The following PCLO variants were observed in gnomAD, a reference collection of about 807,000 sequenced individuals.
The protein encoded by PCLO is piccolo presynaptic cytomatrix protein, also known as protein piccolo.
In PCLO, 82 loss-of-function variants were observed where a neutral mutation model predicts 427.5. The observed-to-expected ratio is 0.19, with a 90% confidence interval of 0.16 to 0.23. The LOEUF is 0.23. Among genes scored for constraint, PCLO ranks in the 10% least tolerant of loss-of-function variants. PCLO has a pLI of 1.00. For synonymous variants in PCLO, 2,357 were observed against 2,155.4 expected, an observed-to-expected ratio of 1.09 and a Z score of -2.59; for missense variants, 6,239 against 6,115.9, an observed-to-expected ratio of 1.02 and a Z score of -0.67.
At chr7:82,894,210 A>T (rs1431101990) in intron 9 of PCLO, among the ~76,000 whole-genome samples, 2 of 152,078 alleles carry the variant, frequency 1.3e-5, no homozygotes, top group African/African-American at 4.8e-5. Flanking sequence ...ATAAAACTTT[A>T]AAAAATAACC....
intron 3 of PCLO, among the ~76,000 whole-genome samples, chr7:83,069,384 T>C (rs1789748929): frequency 6.6e-6 from 1 of 152,146 alleles, no homozygotes; most frequent in South Asian, 2.1e-4. Flanking sequence ...TGTTCTAGAG[T>C]CAACTGTAAT....
chr7:82,904,814 G>A (rs960453759), intron 8 of PCLO, among the ~76,000 whole-genome samples: 4 of 151,870 alleles, frequency 2.6e-5, no homozygotes, highest in Non-Finnish European at 2.9e-5. Flanking sequence ...TAATTTTCTT[G>A]AATATTGCTT....
At position 83,054,812 on chromosome 7, in the gene PCLO, T is replaced by C. The variant is rs545364482; in HGVS notation, c.3300+79438A>G. ...AGGAATTTCCTCCTTGGGAATTTAATTTTGTTGAATGAGTTGAGCAACTTC... is the reference window on the plus strand; with the variant it reads ...AGGAATTTCCTCCTTGGGAATTTAACTTTGTTGAATGAGTTGAGCAACTTC... On this transcript the variant is annotated intron_variant, in intron 3 of 24. Transcript: ENST00000333891. 8.5e-5 allele frequency among the ~76,000 whole-genome samples: 13 copies of C among 152,158 alleles called. No individual in the cohort carries two copies. The East Asian group carries it at 2.5e-3, about 29-fold the overall frequency.
At chr7:83,103,003 C>A (rs909771470) in intron 3 of PCLO, among the ~76,000 whole-genome samples, 1 of 57,448 alleles carries the variant, frequency 1.7e-5, no homozygotes, top group Non-Finnish European at 3.5e-5. Context: ...TATTTCCCTT[C>A]CTGAGATATT....
intron 2 of PCLO, among the ~76,000 whole-genome samples, chr7:83,141,429 C>A (rs1240280529): frequency 1.3e-5 from 2 of 152,170 alleles, no homozygotes; most frequent in African/African-American, 4.8e-5. Context: ...GAAGATACAA[C>A]TGTTTAGTGA....
At chr7:82,985,653 A>G (rs1796239844) in intron 3 of PCLO, among the ~76,000 whole-genome samples, 2 of 151,978 alleles carry the variant, frequency 1.3e-5, no homozygotes, top group Admixed American at 1.3e-4. Flanking sequence ...GTGGCATTAA[A>G]TTGGCATGAA....
chr7:82,777,523 C>G (rs1276144623), intron 22 of PCLO, among the ~76,000 whole-genome samples: 3 of 152,138 alleles, frequency 2.0e-5, no homozygotes, highest in Non-Finnish European at 4.4e-5. Context: ...GCTATAGTAA[C>G]CAAAACAGCA....
chr7:82,955,948 T>C lies in PCLO; in HGVS notation c.5005A>G (p.Thr1669Ala), dbSNP rs761940628. 8 of 1,613,824 alleles carry C rather than the reference T, an allele frequency of 5.0e-6. No homozygotes were observed. In the South Asian group the frequency reaches 8.8e-5, roughly 18 times the overall value. ...GCTATTGTACTGTTGAGCTCAATTG[T>C]TTTAAATCGGCGTAGCCCTCCTCCT... is the stretch of plus-strand genomic sequence containing the variant. ...TGGGGLRRFK[T>A]IELNSTIADK... The change falls in exon 5 of 25, where the codon ACA (threonine) becomes GCA (alanine). Residue 1669 changes from threonine (T) to alanine (A), a missense_variant. Transcript: ENST00000333891.
At chr7:82,824,948 CA>C (rs1344513393) in intron 18 of PCLO, among the ~76,000 whole-genome samples, 5 of 151,758 alleles carry the variant, frequency 3.3e-5, no homozygotes, top group African/African-American at 1.2e-4. Context: ...GATTCTGTCT[CA>C]AAAAACAAAC....
At chr7:83,122,838 C>T (rs1328454102) in intron 3 of PCLO, among the ~76,000 whole-genome samples, 1 of 152,048 alleles carries the variant, frequency 6.6e-6, no homozygotes, top group African/African-American at 2.4e-5. Context: ...TTTCTATATG[C>T]CAACAGCGAA....
Position 82,951,015 on chromosome 7 carries a change from A to C in PCLO, c.9573T>G (p.Phe3191Leu). The C allele has an allele frequency of 1.2e-6, 2 of 1,613,870 alleles. No homozygotes were observed. Among genetic ancestry groups the C allele is most frequent in the Non-Finnish European group, 1.7e-6 (2 of 1,179,822 alleles). ...CACTTTCATCTCCCACCACTTCAGG[A>C]AACACTTCGGATGCTGTGGTTAAAG... ...VPTLTTASEVFPEVVGDESAL... is the reference protein window; with the variant it reads ...VPTLTTASEVLPEVVGDESAL... Residue 3191 changes from phenylalanine (F) to leucine (L), a missense_variant, in exon 6 of 25, where the codon TTT (phenylalanine) becomes TTG (leucine). Phe to Leu is a conservative substitution (Grantham distance 22, BLOSUM62 0). This residue lies in a region of PCLO where 4,677 missense variants were observed against 4,468.4 expected (regional missense o/e 1.05). Coordinates refer to ENST00000333891, the MANE Select transcript of PCLO (RefSeq NM_033026.6).
At chr7:82,842,712 G>A (rs147913528) in intron 13 of PCLO, among the ~76,000 whole-genome samples, 1 of 151,562 alleles carries the variant, frequency 6.6e-6, no homozygotes, top group Non-Finnish European at 1.5e-5. Flanking sequence ...CTCAACAGCA[G>A]GAAAACAAAT....
chr7:83,030,132 A>G (rs1219370630), intron 3 of PCLO, among the ~76,000 whole-genome samples: 1 of 145,812 alleles, frequency 6.9e-6, no homozygotes, highest in Non-Finnish European at 1.5e-5. Flanking sequence ...AAAAAAAAAA[A>G]AAGAAAAGAA....
intron 3 of PCLO, among the ~76,000 whole-genome samples, chr7:83,093,478 A>G (rs1401996019): frequency 0.013 from 604 of 46,650 alleles, 12 homozygotes; most frequent in African/African-American, 0.045. Context: ...GTGTGTATAG[A>G]TATATATATA....
At chr7:83,022,255 G>T (rs1056996046) in intron 3 of PCLO, among the ~76,000 whole-genome samples, 4 of 152,170 alleles carry the variant, frequency 2.6e-5, no homozygotes, top group African/African-American at 9.7e-5. Flanking sequence ...CTTGATCTTA[G>T]ACTTCCCAGC....
chr7:82,922,570 G>A (rs1794622372), intron 6 of PCLO, among the ~76,000 whole-genome samples: 1 of 151,914 alleles, frequency 6.6e-6, no homozygotes, highest in Non-Finnish European at 1.5e-5. Context: ...GGGAACAATA[G>A]ACACTGGGGT....
chr7:82,997,792 C>A (rs1380397557), intron 3 of PCLO, among the ~76,000 whole-genome samples: 2 of 151,926 alleles, frequency 1.3e-5, no homozygotes, highest in Non-Finnish European at 2.9e-5. Context: ...TATTTAAATG[C>A]CAAATACACA....
At chr7:82,824,489 C>T in intron 18 of PCLO, 73 bp from the exon 19 acceptor site, 1 of 972,262 alleles carries the variant, frequency 1.0e-6, no homozygotes, top group Non-Finnish European at 1.5e-6. Context: ...TTTCTATGTT[C>T]TAAAATTTAT....
At chr7:82,867,411 T>C (rs1439770178) in intron 10 of PCLO, among the ~76,000 whole-genome samples, 1 of 152,168 alleles carries the variant, frequency 6.6e-6, no homozygotes, top group African/African-American at 2.4e-5. Flanking sequence ...TTTTAAAAAA[T>C]CCAGGCAATA....
Sources: allele counts gnomAD v4.1 joint callset (sites outside exome capture counted in the v4.1 genomes callset), GRCh38; gene constraint gnomAD v4.1.1; regional missense constraint gnomAD v4.1.1; transcripts MANE v1.5; gene names NCBI Gene and HGNC (gene_info 2026-07-23, HGNC 2026-07-21).